RAB31: variants seen among roughly 807,000 people sequenced by gnomAD.
The protein encoded by RAB31 is RAB31, member RAS oncogene family.
Under a neutral mutation model 25.6 loss-of-function variants are expected in RAB31, and 21 were observed. The ratio of observed to expected loss-of-function variants is 0.82; its 90% CI spans 0.58 to 1.18. The LOEUF (loss-of-function observed/expected upper bound fraction) is 1.18. Ranked by LOEUF, RAB31 falls within the 50% of genes most tolerant of loss-of-function variation. The pLI is 0.00. For synonymous variants in RAB31, 87 were observed against 84.0 expected, an observed-to-expected ratio of 1.04 and a Z score of -0.20; for missense variants, 196 against 250.1, an observed-to-expected ratio of 0.78 and a Z score of 1.46.
chr18:9,763,049 A>C (rs2068297176), intron 1 of RAB31, among the ~76,000 whole-genome samples: 1 of 152,184 alleles, frequency 6.6e-6, no homozygotes, highest in African/African-American at 2.4e-5. Context: ...AATAGCAGAA[A>C]GGGACAGTGT....
intron 5 of RAB31, among the ~76,000 whole-genome samples, chr18:9,831,839 C>T (rs1283657596): frequency 1.3e-5 from 2 of 152,240 alleles, no homozygotes; most frequent in Non-Finnish European, 1.5e-5. Context: ...CTGGTCTACC[C>T]TGGGTGGTGG....
chr18:9,797,072 G>A (rs892241462), intron 3 of RAB31, among the ~76,000 whole-genome samples: 3 of 152,140 alleles, frequency 2.0e-5, no homozygotes, highest in Non-Finnish European at 4.4e-5. Context: ...TTCTGTGCAC[G>A]GGAAGCAGCT....
chr18:9,739,389 G>A (rs184768086), intron 1 of RAB31, among the ~76,000 whole-genome samples: 2 of 152,226 alleles, frequency 1.3e-5, no homozygotes, highest in Admixed American at 6.5e-5. Context: ...GGAGAATGGC[G>A]TGAACCTGGG....
At chr18:9,777,281 T>C (rs576331287) in intron 2 of RAB31, among the ~76,000 whole-genome samples, 1 of 152,278 alleles carries the variant, frequency 6.6e-6, no homozygotes, top group East Asian at 1.9e-4. Flanking sequence ...GCTGAGATTG[T>C]ATCACTGCAC....
In RAB31 at chr18:9,827,784, C is replaced by T. The variant is rs368681593; in HGVS notation, c.380+12562C>T. 2.8e-4 allele frequency among the ~76,000 whole-genome samples: 43 copies of T among 152,238 alleles called. 1 individual carries two copies. Among genetic ancestry groups the T allele is most frequent in the African/African-American group, 1.0e-3 (42 of 41,546 alleles). On this transcript the variant is annotated intron_variant, in intron 5 of 6. Transcript: ENST00000578921. ...CATTTGATTAGCAAATACGTTTTGA[C>T]GGTCCTTTTGTGGCAGCAAAGTGCT... is the stretch of plus-strand genomic sequence containing the variant.
chr18:9,829,629 C>T (rs922966554), intron 5 of RAB31, among the ~76,000 whole-genome samples: 18 of 152,196 alleles, frequency 1.2e-4, no homozygotes, highest in African/African-American at 2.7e-4. Context: ...ACGTCTTTCA[C>T]GGTGGCATGG....
In RAB31 at chr18:9,716,301, G is replaced by A. The variant is rs8092377; in HGVS notation, c.39+7857G>A. On this transcript the variant is annotated intron_variant, in intron 1 of 6. Transcript: ENST00000578921. The stretch of plus-strand genomic sequence containing the variant: ...GAGAATACAACGCAGGCGATCTCGA[G>A]TGGTCTTATTTTTTAACGTGATCAT... 7.5e-3 allele frequency among the ~76,000 whole-genome samples: 1,134 copies of A among 152,100 alleles called. 17 individuals carry two copies. The highest frequency in any genetic ancestry group is 0.025 in the African/African-American group (1,055 of 41,480).
In RAB31 at chr18:9,708,381, C is replaced by A; in HGVS notation, c.-25C>A. The A allele has an allele frequency of 6.5e-7, 1 of 1,544,080 alleles. No homozygotes were observed. The highest frequency in any genetic ancestry group is 1.2e-5 in the South Asian group (1 of 85,012). ...GCGGCCCCGGAGGATGCTGCTGAGC[C>A]CCGGCACTGCCTGGCTGCGAGCACA... On this transcript the variant is annotated 5_prime_UTR_variant, in exon 1 of 7. Coordinates refer to ENST00000578921, the MANE Select transcript of RAB31 (RefSeq NM_006868.4). The surrounding 1 kb of genome is among the most constrained non-coding windows in gnomAD (Gnocchi z 6.4).
At chr18:9,722,266 G>C (rs2068077064) in intron 1 of RAB31, among the ~76,000 whole-genome samples, 1 of 152,208 alleles carries the variant, frequency 6.6e-6, no homozygotes, top group Admixed American at 6.5e-5. Context: ...CCTGGCAGCT[G>C]TGTGAGGGCT....
intron 1 of RAB31, among the ~76,000 whole-genome samples, chr18:9,755,699 G>T (rs947053054): frequency 1.3e-5 from 2 of 152,184 alleles, no homozygotes; most frequent in African/African-American, 2.4e-5. Context: ...TTACCAGGAG[G>T]TTTGTCCACA....
chr18:9,757,917 TCTTC>T (rs1182696689), intron 1 of RAB31: 1 of 152,270 alleles, frequency 6.6e-6, no homozygotes, highest in African/African-American at 2.4e-5. Flanking sequence ...TATTTCATCT[TCTTC>T]CTTGTGTAAG....
intron 1 of RAB31, among the ~76,000 whole-genome samples, chr18:9,751,912 A>G (rs1348260641): frequency 6.6e-6 from 1 of 152,200 alleles, no homozygotes; most frequent in Admixed American, 6.5e-5. Flanking sequence ...AGAGCAAAAC[A>G]TCATCCCTTG....
chr18:9,843,900 G>C (rs1220048617), intron 5 of RAB31, among the ~76,000 whole-genome samples: 3 of 152,160 alleles, frequency 2.0e-5, no homozygotes, highest in Non-Finnish European at 4.4e-5. Context: ...GAGTCCCATA[G>C]GAATTTGAAT....
At chr18:9,752,284 G>C (rs1237083818) in intron 1 of RAB31, among the ~76,000 whole-genome samples, 1 of 152,064 alleles carries the variant, frequency 6.6e-6, no homozygotes, top group African/African-American at 2.4e-5. Context: ...GAGTGCAGTG[G>C]TGTGATCTTG....
In RAB31 at chr18:9,792,199, C is replaced by A; in HGVS notation, c.165C>A (p.His55Gln). Residue 55 changes from histidine to glutamine, a missense_variant, in exon 3 of 7, where the codon CAC (histidine) becomes CAA (glutamine). Physicochemically the swap from His to Gln is conservative, Grantham distance 24 (BLOSUM62 0). Coordinates refer to ENST00000578921, the MANE Select transcript of RAB31 (RefSeq NM_006868.4). ...CTGTGCCTTGTGGAAATGAACTTCA[C>A]AAGTTCCTCATCTGGGACACTGCTG... ...TKTVPCGNEL[H>Q]KFLIWDTAGQ... is the part of the protein sequence containing the mutation. The A allele has an allele frequency of 2.5e-6, 4 of 1,612,568 alleles. No individual in the cohort carries two copies. Among genetic ancestry groups the A allele is most frequent in the Non-Finnish European group, 3.4e-6 (4 of 1,179,310 alleles).
At chr18:9,837,072 T>C (rs569732090) in intron 5 of RAB31, among the ~76,000 whole-genome samples, 91 of 136,366 alleles carry the variant, frequency 6.7e-4, no homozygotes, top group Admixed American at 2.2e-3. Context: ...GTGAGACACA[T>C]GAAGAGAGTC....
chr18:9,858,836 C>T (rs1045639767), intron 6 of RAB31, among the ~76,000 whole-genome samples: 1 of 152,158 alleles, frequency 6.6e-6, no homozygotes, highest in Admixed American at 6.5e-5. Context: ...GTTGAAGTCA[C>T]GGTACCATGA....
At chr18:9,775,200 A>T (rs2068365639) in intron 1 of RAB31, 78 bp from the exon 2 acceptor site, 3 of 1,602,374 alleles carry the variant, frequency 1.9e-6, no homozygotes, top group East Asian at 2.2e-5. Flanking sequence ...TCCTCTGGTA[A>T]TCTGTGAGGT....
At chr18:9,833,568 T>C (rs1291338846) in intron 5 of RAB31, among the ~76,000 whole-genome samples, 2 of 152,224 alleles carry the variant, frequency 1.3e-5, no homozygotes, top group African/African-American at 4.8e-5. Flanking sequence ...GTTGCTTATA[T>C]TGATGTTTGA....
Sources: allele counts gnomAD v4.1 joint callset (sites outside exome capture counted in the v4.1 genomes callset), GRCh38; gene constraint gnomAD v4.1.1; non-coding constraint Gnocchi (gnomAD v3.1); transcripts MANE v1.5; gene names NCBI Gene and HGNC (gene_info 2026-07-23, HGNC 2026-07-21).